Variants in MBTD1 observed in about 807,000 individuals in gnomAD.
The protein encoded by MBTD1 is MBT domain-containing protein 1.
Under a neutral mutation model 87.8 loss-of-function variants are expected in MBTD1, and 24 were observed. The ratio of observed to expected loss-of-function variants is 0.27; its 90% CI spans 0.20 to 0.38. The LOEUF (loss-of-function observed/expected upper bound fraction) is 0.38, where lower values mean the gene tolerates loss of function less well. Ranked by LOEUF, MBTD1 falls within the 10% of genes least tolerant of loss-of-function variation. MBTD1 has a pLI of 1.00. For missense variants in MBTD1, 436 were observed against 760.2 expected, an observed-to-expected ratio of 0.57 and a Z score of 5.02; for synonymous variants, 237 against 248.6, an observed-to-expected ratio of 0.95 and a Z score of 0.44.
rs866329115 is a variant in MBTD1 at position 51,179,515 on chromosome 17, T to A, written c.*1061A>T. ...ATATATATATATATATATATATATA[T>A]ATATATATATATATATATATATGGA... is the stretch of plus-strand genomic sequence containing the variant. On this transcript the variant is annotated 3_prime_UTR_variant, in exon 17 of 17. Coordinates refer to ENST00000586178, the MANE Select transcript of MBTD1 (RefSeq NM_017643.3). 3 of 101,488 alleles carry A rather than the reference T, an allele frequency of 3.0e-5. No homozygotes were observed. The Admixed American group carries it at 3.1e-4, about 11-fold the overall frequency. 6.3% of individuals were successfully genotyped at this position (101,488 alleles called of 1,614,324 possible).
chr17:51,236,704 T>C (rs934714606), intron 2 of MBTD1, among the ~76,000 whole-genome samples: 1 of 152,130 alleles, frequency 6.6e-6, no homozygotes, highest in Admixed American at 6.5e-5. Context: ...TCTCTCTGTT[T>C]GCTTATATAT....
intron 12 of MBTD1, among the ~76,000 whole-genome samples, chr17:51,200,547 G>A (rs1359422081): frequency 9.0e-6 from 1 of 111,132 alleles, no homozygotes; most frequent in African/African-American, 3.8e-5. Flanking sequence ...GTGACAGGGC[G>A]AGATACCATC....
intron 3 of MBTD1, among the ~76,000 whole-genome samples, chr17:51,222,083 A>G (rs900724595): frequency 1.3e-5 from 2 of 152,246 alleles, no homozygotes; most frequent in Admixed American, 6.5e-5. Flanking sequence ...GATCCCAAGG[A>G]AACAGTGAAT....
At chr17:51,231,098 A>T (rs1479337788) in intron 2 of MBTD1, among the ~76,000 whole-genome samples, 1 of 152,026 alleles carries the variant, frequency 6.6e-6, no homozygotes, top group Non-Finnish European at 1.5e-5. Flanking sequence ...CCACCACGCC[A>T]GGCTAACTTT....
At chr17:51,196,756 C>T (rs1249349945) in intron 12 of MBTD1, among the ~76,000 whole-genome samples, 2 of 151,322 alleles carry the variant, frequency 1.3e-5, no homozygotes, top group Admixed American at 6.6e-5. Context: ...CCAGGCATGG[C>T]GGTGGGGGCC....
At chr17:51,249,094 C>G (rs372802982) in intron 2 of MBTD1, among the ~76,000 whole-genome samples, 2 of 132,610 alleles carry the variant, frequency 1.5e-5, no homozygotes, top group Non-Finnish European at 3.2e-5. Flanking sequence ...CTACAATAAG[C>G]AAAAAAAAAA....
intron 2 of MBTD1, among the ~76,000 whole-genome samples, chr17:51,234,077 A>C (rs908933960): frequency 6.6e-6 from 1 of 152,124 alleles, no homozygotes; most frequent in African/African-American, 2.4e-5. Flanking sequence ...AAGACAAAAT[A>C]TCCCAATATC....
At chr17:51,197,085 T>G (rs1321932710) in intron 12 of MBTD1, among the ~76,000 whole-genome samples, 189 of 14,256 alleles carry the variant, frequency 0.013, 19 homozygotes, top group African/African-American at 0.098. Context: ...TATATATATA[T>G]ATATATATAT....
chr17:51,245,652 C>G (rs573005303), intron 2 of MBTD1, among the ~76,000 whole-genome samples: 91 of 152,108 alleles, frequency 6.0e-4, no homozygotes, highest in African/African-American at 2.1e-3. Flanking sequence ...TAAAATACCA[C>G]TTTAAGTGCT....
intron 2 of MBTD1, among the ~76,000 whole-genome samples, chr17:51,249,141 T>C (rs951164174): frequency 5.4e-5 from 8 of 148,478 alleles, no homozygotes; most frequent in Admixed American, 2.7e-4. Context: ...GCACCTGTGG[T>C]CTCAGCTACT....
rs58720477 is a variant in MBTD1 at position 51,247,441 on chromosome 17, C to CTTT, written c.-49+11699_-49+11701dup. On this transcript the variant is annotated intron_variant, in intron 2 of 16. Coordinates refer to ENST00000586178, the MANE Select transcript of MBTD1 (RefSeq NM_017643.3). ...TGATCAGGCTAAGAAATCAGTATTA[C>CTTT]TTTTTTTTTTTTTTTTTTTTTTGGA... 3.5e-3 allele frequency among the ~76,000 whole-genome samples: 466 copies of CTTT among 131,940 alleles called. 3 individuals are homozygous for CTTT. The highest frequency in any genetic ancestry group is 0.013 in the African/African-American group (424 of 33,726). 86.6% of individuals were successfully genotyped at this position (131,940 alleles called of 152,430 possible).
intron 2 of MBTD1, among the ~76,000 whole-genome samples, chr17:51,247,097 A>G (rs185072383): frequency 2.9e-4 from 44 of 152,328 alleles, no homozygotes; most frequent in African/African-American, 1.0e-3. Flanking sequence ...GTGTGTATTC[A>G]TAAAAATAAA....
intron 16 of MBTD1, chr17:51,185,491 G>A (rs556466152): frequency 6.6e-6 from 1 of 152,124 alleles, no homozygotes; most frequent in Non-Finnish European, 1.5e-5. Context: ...ACATAATCAT[G>A]AACTTATGGA....
In MBTD1 at chr17:51,179,496, A is replaced by ATTTT. The variant is rs1483411019; in HGVS notation, c.*1079_*1080insAAAA. On this transcript the variant is annotated 3_prime_UTR_variant, in exon 17 of 17. Transcript: ENST00000586178. ...ATTAAAGACAATTTTATATATATATATATATATATATATATATATATATAT... is the reference window on the plus strand; with the variant it reads ...ATTAAAGACAATTTTATATATATATATTTTTATATATATATATATATATATATAT... 5 of 53,088 alleles carry ATTTT rather than the reference A, an allele frequency of 9.4e-5. No homozygotes were observed. The highest frequency in any genetic ancestry group is 1.5e-4 in the African/African-American group (2 of 13,166). 3.3% of individuals were successfully genotyped at this position (53,088 alleles called of 1,614,324 possible).
At chr17:51,220,537 T>C in intron 3 of MBTD1, 74 bp from the exon 4 acceptor site, 1 of 1,336,472 alleles carries the variant, frequency 7.5e-7, no homozygotes, top group Non-Finnish European at 1.0e-6. Context: ...GTTTAAATAA[T>C]TTCTCCTGCC....
At chr17:51,258,424 AAGG>A (rs1386090245) in intron 2 of MBTD1, among the ~76,000 whole-genome samples, 4 of 152,200 alleles carry the variant, frequency 2.6e-5, no homozygotes, top group African/African-American at 7.2e-5. Flanking sequence ...ATGCTAATAT[AAGG>A]AGAATTAAAA....
rs1331579005 is a variant in MBTD1, at chr17:51,260,035, G to A, written c.-313C>T. ...CCCCCTTTAACTCGGGTGGCCCCAGGATATCAACAACATTAGCATAGCCCT... is the reference window on the plus strand; with the variant it reads ...CCCCCTTTAACTCGGGTGGCCCCAGAATATCAACAACATTAGCATAGCCCT... On this transcript the variant is annotated 5_prime_UTR_variant, in exon 1 of 17. Transcript: ENST00000586178. The A allele has an allele frequency of 1.2e-5, 5 of 427,402 alleles. No homozygotes were observed. The Admixed American group carries it at 1.3e-4, about 11-fold the overall frequency. The allele number at this position is 427,402 out of a possible 1,614,324, so 26.5% of individuals were successfully genotyped here.
chr17:51,185,967 C>G (rs1426342352), intron 16 of MBTD1: 1 of 152,574 alleles, frequency 6.6e-6, no homozygotes, highest in Non-Finnish European at 1.5e-5. Flanking sequence ...TGTCTCCCAC[C>G]ACCCTACCCA....
At chr17:51,182,328 T>TG (rs1484046613) in intron 16 of MBTD1, among the ~76,000 whole-genome samples, 4 of 152,110 alleles carry the variant, frequency 2.6e-5, no homozygotes, top group African/African-American at 9.7e-5. Flanking sequence ...GGTTTTGCCA[T>TG]GTTGGCTGGG....
Sources: allele counts gnomAD v4.1 joint callset (sites outside exome capture counted in the v4.1 genomes callset), GRCh38; gene constraint gnomAD v4.1.1; transcripts MANE v1.5; gene names NCBI Gene and HGNC (gene_info 2026-07-23, HGNC 2026-07-21).